The following APBB1IP variants were observed in gnomAD, a reference collection of about 807,000 sequenced individuals.
The protein encoded by APBB1IP is amyloid beta A4 precursor protein-binding family B member 1-interacting protein.
APBB1IP carries 27 observed loss-of-function variants against 64.9 expected under a neutral mutation model. The ratio of observed to expected loss-of-function variants is 0.42; its 90% CI spans 0.31 to 0.57. The LOEUF (loss-of-function observed/expected upper bound fraction) is 0.57. Ranked by LOEUF, APBB1IP falls within the 20% of genes least tolerant of loss-of-function variation. The pLI is 0.20. For synonymous variants in APBB1IP, 392 were observed against 331.0 expected, an observed-to-expected ratio of 1.18 and a Z score of -2.00; for missense variants, 812 against 845.5, an observed-to-expected ratio of 0.96 and a Z score of 0.49.
At chr10:26,448,466 G>A (rs1004044521) in intron 2 of APBB1IP, among the ~76,000 whole-genome samples, 1 of 152,192 alleles carries the variant, frequency 6.6e-6, no homozygotes, top group Non-Finnish European at 1.5e-5. Context: ...GGCCTCATGT[G>A]GCTAGTGGCT....
intron 2 of APBB1IP, among the ~76,000 whole-genome samples, chr10:26,457,291 TG>T (rs1363786550): frequency 6.6e-6 from 1 of 152,214 alleles, no homozygotes; most frequent in East Asian, 1.9e-4. Flanking sequence ...CCCCAATTTC[TG>T]GTAACTATCG....
intron 3 of APBB1IP, among the ~76,000 whole-genome samples, chr10:26,495,985 T>A (rs988606226): frequency 5.3e-4 from 76 of 143,478 alleles, no homozygotes; most frequent in African/African-American, 1.9e-3. Context: ...AAATATAATA[T>A]ATATATTATA....
intron 8 of APBB1IP, among the ~76,000 whole-genome samples, chr10:26,523,670 G>A (rs978617869): frequency 8.5e-5 from 13 of 152,054 alleles, no homozygotes; most frequent in African/African-American, 3.1e-4. Context: ...GGACACAGTT[G>A]AAAGACCCTT....
chr10:26,513,752 G>C, intron 8 of APBB1IP, 92 bp downstream of exon 8: 1 of 1,443,406 alleles, frequency 6.9e-7, no homozygotes, highest in Non-Finnish European at 9.2e-7. Flanking sequence ...GACAGGGTCT[G>C]AAAGGCTGGA....
At chr10:26,537,933 CAAAAAAA>C (rs11331595) in intron 10 of APBB1IP, among the ~76,000 whole-genome samples, 1 of 106,964 alleles carries the variant, frequency 9.3e-6, no homozygotes, top group Admixed American at 9.5e-5. Context: ...GACTAGGTCT[CAAAAAAA>C]AAAAAAAAAA....
chr10:26,553,961 T>G (rs1836863721), intron 11 of APBB1IP, among the ~76,000 whole-genome samples: 1 of 152,138 alleles, frequency 6.6e-6, no homozygotes, highest in African/African-American at 2.4e-5. Context: ...CTAAATTCAG[T>G]TCTCACCAGA....
intron 11 of APBB1IP, among the ~76,000 whole-genome samples, chr10:26,557,561 T>C (rs1355598310): frequency 6.6e-6 from 1 of 152,254 alleles, no homozygotes; most frequent in African/African-American, 2.4e-5. Flanking sequence ...GATTTGGGTT[T>C]AATAGCTTAA....
intron 6 of APBB1IP, among the ~76,000 whole-genome samples, chr10:26,504,338 C>T (rs1564363008): frequency 1.3e-5 from 2 of 152,138 alleles, no homozygotes; most frequent in Admixed American, 1.3e-4. Context: ...TTTTGAAGAA[C>T]ACATGTATTG....
intron 2 of APBB1IP, among the ~76,000 whole-genome samples, chr10:26,472,529 A>T (rs932499985): frequency 1.3e-5 from 2 of 152,008 alleles, no homozygotes; most frequent in Admixed American, 1.3e-4. Context: ...TCATTCTTTC[A>T]TTTTCATCTT....
At position 26,483,016 on chromosome 10, in the gene APBB1IP, G is replaced by A. The variant is rs535203845; in HGVS notation, c.1-9311G>A. Among the ~76,000 whole-genome samples, 4 of 148,178 alleles carry A rather than the reference G, an allele frequency of 2.7e-5. No individual in the cohort carries two copies. In the East Asian group the frequency reaches 7.9e-4, roughly 29 times the overall value. On this transcript the variant is annotated intron_variant, in intron 2 of 14. Coordinates refer to ENST00000376236, the MANE Select transcript of APBB1IP (RefSeq NM_019043.4). ...TGAGGCAGGAGAAACTCTTGAACTG[G>A]GAGGTGGAGGTTGCAGTGAGCCGAG... is the stretch of plus-strand genomic sequence containing the variant.
chr10:26,511,971 T>C, intron 7 of APBB1IP, 65 bp downstream of exon 7: 2 of 1,544,238 alleles, frequency 1.3e-6, no homozygotes, highest in Non-Finnish European at 1.8e-6. Flanking sequence ...TATAATGGGC[T>C]TGGGTTTATT....
chr10:26,445,440 AGGGTCTT>A (rs1481553860), intron 2 of APBB1IP, among the ~76,000 whole-genome samples: 1 of 152,106 alleles, frequency 6.6e-6, no homozygotes, highest in Admixed American at 6.6e-5. Flanking sequence ...TAATAGAGAT[AGGGTCTT>A]GCTGTGTTGC....
chr10:26,444,463 T>C (rs972368606), intron 2 of APBB1IP, among the ~76,000 whole-genome samples: 4 of 152,088 alleles, frequency 2.6e-5, no homozygotes, highest in Non-Finnish European at 5.9e-5. Flanking sequence ...TGACAAAGCG[T>C]TGGATTCTGC....
chr10:26,484,960 T>C (rs1835874444), intron 2 of APBB1IP, among the ~76,000 whole-genome samples: 1 of 152,140 alleles, frequency 6.6e-6, no homozygotes, highest in Non-Finnish European at 1.5e-5. Context: ...TGACTTTAGA[T>C]TGAATTAGAA....
intron 2 of APBB1IP, among the ~76,000 whole-genome samples, chr10:26,455,943 A>T (rs944960179): frequency 2.0e-5 from 3 of 152,238 alleles, no homozygotes; most frequent in African/African-American, 7.2e-5. Flanking sequence ...GTGTCAGCAC[A>T]TATTACATTT....
At chr10:26,513,440 T>C in intron 7 of APBB1IP, 99 bp from the exon 8 acceptor site, 1 of 1,352,818 alleles carries the variant, frequency 7.4e-7, no homozygotes, top group Non-Finnish European at 1.0e-6. Flanking sequence ...CCCAGGCACC[T>C]GATGAAAGTC....
At position 26,438,393 on chromosome 10, in the gene APBB1IP, G is replaced by C. The variant is rs1239047625; in HGVS notation, c.-265G>C. 6.6e-6 allele frequency: 1 copy of C among 152,212 alleles called. No individual in the cohort carries two copies. Among genetic ancestry groups the C allele is most frequent in the Non-Finnish European group, 1.5e-5 (1 of 68,044 alleles). 9.4% of individuals were successfully genotyped at this position (152,212 alleles called of 1,614,324 possible). A position where few individuals can be genotyped will look rare whatever the true frequency, so the allele number is the denominator to read the frequency against. On this transcript the variant is annotated 5_prime_UTR_variant, in exon 1 of 15. Coordinates refer to ENST00000376236, the MANE Select transcript of APBB1IP (RefSeq NM_019043.4). ...CCAATCCCTTAGTCCCTCTTGCGTC[G>C]AGGCTGCAAAATGGTTCCATTCGCC...
chr10:26,474,274 G>A (rs962353739), intron 2 of APBB1IP, among the ~76,000 whole-genome samples: 1 of 152,292 alleles, frequency 6.6e-6, no homozygotes, highest in Admixed American at 6.5e-5. Context: ...GCCTAGGGCT[G>A]ATGCCCAAAC....
At chr10:26,457,421 T>A (rs1835539924) in intron 2 of APBB1IP, among the ~76,000 whole-genome samples, 1 of 152,224 alleles carries the variant, frequency 6.6e-6, no homozygotes, top group Non-Finnish European at 1.5e-5. Context: ...ATTACAGGTA[T>A]CAGCCACTGT....
Sources: gnomAD v4.1 joint callset for allele counts (sites outside exome capture counted in the v4.1 genomes callset) on GRCh38, gnomAD v4.1.1 for gene constraint, MANE v1.5 for transcripts, NCBI Gene and HGNC (gene_info 2026-07-23, HGNC 2026-07-21) for gene names.